Variants in CACNB2 observed in about 807,000 individuals in gnomAD.
CACNB2 encodes the protein calcium voltage-gated channel auxiliary subunit beta 2.
A neutral mutation model predicts 73.3 loss-of-function variants in CACNB2; 42 were observed. The ratio of observed to expected loss-of-function variants is 0.57; its 90% CI spans 0.45 to 0.74. The LOEUF (loss-of-function observed/expected upper bound fraction) is 0.74, where lower values mean the gene tolerates loss of function less well. CACNB2 is among the 30% of genes least tolerant of loss of function. CACNB2 has a pLI of 0.00. For synonymous variants in CACNB2, 348 were observed against 310.3 expected, an observed-to-expected ratio of 1.12 and a Z score of -1.28; for missense variants, 940 against 853.0, an observed-to-expected ratio of 1.10 and a Z score of -1.27.
intron 2 of CACNB2, among the ~76,000 whole-genome samples, chr10:18,155,899 A>T (rs369148645): frequency 0.012 from 11 of 922 alleles, no homozygotes; most frequent in South Asian, 0.25. Flanking sequence ...AGAACATATT[A>T]TATATATATA....
chr10:18,402,472 A>T (rs985858236), intron 3 of CACNB2, among the ~76,000 whole-genome samples: 1 of 150,906 alleles, frequency 6.6e-6, no homozygotes, highest in African/African-American at 2.4e-5. Context: ...ATTTTACTTC[A>T]TAGGTGTTTT....
At chr10:18,204,759 C>A (rs1402013213) in intron 2 of CACNB2, among the ~76,000 whole-genome samples, 1 of 152,152 alleles carries the variant, frequency 6.6e-6, no homozygotes, top group Non-Finnish European at 1.5e-5. Context: ...GATATCCAGA[C>A]AAACAGCCTA....
intron 3 of CACNB2, among the ~76,000 whole-genome samples, chr10:18,457,829 G>A (rs2047362852): frequency 6.6e-6 from 1 of 152,132 alleles, no homozygotes; most frequent in African/African-American, 2.4e-5. Flanking sequence ...GGCGGAGGTT[G>A]TGGTGAGCCA....
In CACNB2 at chr10:18,538,361, C is replaced by T; in HGVS notation, c.1484C>T (p.Ser495Leu). The T allele has an allele frequency of 6.2e-7, 1 of 1,607,954 alleles. No homozygotes were observed. The highest frequency in any genetic ancestry group is 8.5e-7 in the Non-Finnish European group (1 of 1,174,138). ...CTTAGCCCCACCCTAGCCTCTAATT[C>T]ACAGGTAAGGGGAGTTTTTATATAT... Reference protein sequence around the residue: ...LPLSPTLASNSQGSQGDQRTD... With the variant: ...LPLSPTLASNLQGSQGDQRTD... Residue 495 changes from serine to leucine, a missense_variant, in exon 13 of 14, where the codon TCA (serine) becomes TTA (leucine). Coordinates refer to ENST00000324631, the MANE Select transcript of CACNB2 (RefSeq NM_201596.3).
At chr10:18,357,065 C>G (rs527475283) in intron 2 of CACNB2, among the ~76,000 whole-genome samples, 1 of 149,966 alleles carries the variant, frequency 6.7e-6, no homozygotes, top group Non-Finnish European at 1.5e-5. Context: ...CTGCCTCAGC[C>G]TCCCGTGTAG....
chr10:18,401,914 T>C lies in CACNB2; in HGVS notation c.214-10T>C, dbSNP rs1398504705. 8 of 1,613,880 alleles carry C rather than the reference T, an allele frequency of 5.0e-6. No individual in the cohort carries two copies. The highest frequency in any genetic ancestry group is 6.8e-6 in the Non-Finnish European group (8 of 1,179,802). On this transcript the variant is annotated splice_polypyrimidine_tract_variant and intron_variant, in intron 2 of 13. Transcript: ENST00000324631. The stretch of plus-strand genomic sequence containing the variant: ...TGAATCTACTTTAAAATGTACATTT[T>C]CCTCTCCAGGGTTCGGCAGACTCCT...
intron 2 of CACNB2, among the ~76,000 whole-genome samples, chr10:18,228,813 C>T (rs12260611): frequency 0.029 from 4,474 of 152,210 alleles, 252 homozygotes; most frequent in African/African-American, 0.1. Context: ...GATCCCAGCT[C>T]GCTGCAGCCT....
chr10:18,261,028 A>T, intron 2 of CACNB2: 1 of 1,392,502 alleles, frequency 7.2e-7, no homozygotes, highest in Non-Finnish European at 9.3e-7. Context: ...CCCCTTGAAG[A>T]AGATCTCAAA....
At chr10:18,369,781 C>T (rs559079065) in intron 2 of CACNB2, among the ~76,000 whole-genome samples, 1 of 152,248 alleles carries the variant, frequency 6.6e-6, no homozygotes, top group African/African-American at 2.4e-5. Context: ...GTGGCACATA[C>T]CTGTAGTCCC....
chr10:18,501,275 G>A (rs755751745), intron 5 of CACNB2, among the ~76,000 whole-genome samples: 1 of 152,190 alleles, frequency 6.6e-6, no homozygotes, highest in Non-Finnish European at 1.5e-5. Context: ...TCATAGCCCT[G>A]GTGACTAATC....
intron 11 of CACNB2, among the ~76,000 whole-genome samples, chr10:18,534,789 C>A (rs1484955816): frequency 6.6e-6 from 1 of 152,210 alleles, no homozygotes; most frequent in African/African-American, 2.4e-5. Flanking sequence ...AGGACAAGCA[C>A]TGGTTTGATT....
chr10:18,511,015 C>T (rs2050744997), intron 6 of CACNB2, among the ~76,000 whole-genome samples: 2 of 152,096 alleles, frequency 1.3e-5, no homozygotes, highest in Admixed American at 1.3e-4. Flanking sequence ...TTCAATAAGC[C>T]CCATAAGGAA....
intron 2 of CACNB2, among the ~76,000 whole-genome samples, chr10:18,205,518 T>C (rs955401276): frequency 1.3e-5 from 2 of 152,210 alleles, no homozygotes; most frequent in African/African-American, 4.8e-5. Context: ...ATGACAGCTC[T>C]TTCTTTTCCA....
At chr10:18,157,936 C>T (rs377034163) in intron 2 of CACNB2, among the ~76,000 whole-genome samples, 1 of 152,046 alleles carries the variant, frequency 6.6e-6, no homozygotes, top group Non-Finnish European at 1.5e-5. Flanking sequence ...TTTAGATCGG[C>T]ATAATTCCCT....
chr10:18,316,495 G>A (rs1239153954), intron 2 of CACNB2, among the ~76,000 whole-genome samples: 2 of 145,414 alleles, frequency 1.4e-5, no homozygotes, highest in African/African-American at 2.6e-5. Flanking sequence ...ACAGAGTCTC[G>A]CACTGTCACC....
chr10:18,393,095 A>C lies in CACNB2; in HGVS notation c.214-8829A>C, dbSNP rs563812191. ...ATGGTGGTGGGCACCTGTAATCCCA[A>C]CTACTCAGGAAGCTGAGGCAGGAGA... is the stretch of plus-strand genomic sequence containing the variant. On this transcript the variant is annotated intron_variant, in intron 2 of 13. Transcript: ENST00000324631. Among the ~76,000 whole-genome samples the C allele has an allele frequency of 3.3e-5, 5 of 152,008 alleles. No individual in the cohort carries two copies. In the South Asian group the frequency reaches 1.0e-3, roughly 32 times the overall value.
chr10:18,397,720 C>CAAAA (rs10581390), intron 2 of CACNB2, among the ~76,000 whole-genome samples: 1 of 91,770 alleles, frequency 1.1e-5, no homozygotes, highest in Non-Finnish European at 2.0e-5. Flanking sequence ...GACTCCGTCT[C>CAAAA]AAAAAAAAAA....
intron 2 of CACNB2, among the ~76,000 whole-genome samples, chr10:18,196,247 T>C (rs1374730447): frequency 6.6e-6 from 1 of 151,902 alleles, no homozygotes; most frequent in Non-Finnish European, 1.5e-5. Context: ...TAACCGACAC[T>C]ACTAAGCTGT....
intron 2 of CACNB2, among the ~76,000 whole-genome samples, chr10:18,283,904 T>A (rs2038673343): frequency 6.6e-6 from 1 of 152,182 alleles, no homozygotes; most frequent in African/African-American, 2.4e-5. Flanking sequence ...TAACCATTAA[T>A]ATGCAAAGAA....
Sources: allele counts gnomAD v4.1 joint callset (sites outside exome capture counted in the v4.1 genomes callset), GRCh38; gene constraint gnomAD v4.1.1; transcripts MANE v1.5; gene names NCBI Gene and HGNC (gene_info 2026-07-23, HGNC 2026-07-21).